The following HCN3 variants were observed in gnomAD, a reference collection of about 807,000 sequenced individuals.
The protein encoded by HCN3 is potassium/sodium hyperpolarization-activated cyclic nucleotide-gated channel 3.
In HCN3, 36 loss-of-function variants were observed where a neutral mutation model predicts 56.8. That is an observed-to-expected ratio of 0.63 (90% confidence interval 0.49 to 0.84). The LOEUF (loss-of-function observed/expected upper bound fraction) is 0.84, where lower values mean the gene tolerates loss of function less well. Among genes scored for constraint, HCN3 ranks in the 40% least tolerant of loss-of-function variants. The probability of loss-of-function intolerance (pLI) is 0.00; values close to 1 mark genes in which losing one functional copy is unlikely to be tolerated. For synonymous variants in HCN3, 425 were observed against 439.7 expected (o/e 0.97, Z 0.42); for missense variants, 930 against 1,079.3 (o/e 0.86, Z 1.94).
Position 155,285,628 on chromosome 1 carries a change from TG to T in HCN3, c.1237-95del, listed in dbSNP as rs996180637. 1.6e-4 allele frequency: 238 copies of T among 1,502,102 alleles called. No individual in the cohort carries two copies. Among genetic ancestry groups the T allele is most frequent in the Non-Finnish European group, 1.9e-4 (214 of 1,107,856 alleles). The allele number at this position is 1,502,102 out of a possible 1,614,324, so 93.0% of individuals were successfully genotyped here. On this transcript the variant is annotated intron_variant, in intron 5 of 7. Transcript: ENST00000368358. This position sits in a 1 kb window ranked among gnomAD's most constrained non-coding sequence, Gnocchi z 4.5. The stretch of plus-strand genomic sequence containing the variant: ...TGCCTCCCCATCCTTTGGCAGAACA[TG>T]ACCCCAGGGGTGGGGTTTCTGGAAG...
At chr1:155,286,176 C>T (rs1674279355) in intron 6 of HCN3, among the ~76,000 whole-genome samples, 2 of 152,058 alleles carry the variant, frequency 1.3e-5, no homozygotes, top group Non-Finnish European at 2.9e-5. Context: ...GGTGGAGTCT[C>T]GCTCTGTTGC....
In HCN3 at chr1:155,282,023, G is replaced by A. The variant is rs1381177050; in HGVS notation, c.279-388G>A. 6.6e-6 allele frequency among the ~76,000 whole-genome samples: 1 copy of A among 152,216 alleles called. No individual in the cohort carries two copies. The highest frequency in any genetic ancestry group is 2.4e-5 in the African/African-American group (1 of 41,458). On this transcript the variant is annotated intron_variant, in intron 1 of 7. Coordinates refer to ENST00000368358, the MANE Select transcript of HCN3 (RefSeq NM_020897.3). The surrounding 1 kb of genome is among the most constrained non-coding windows in gnomAD (Gnocchi z 4.7). ...GTAGCTGTAGTTGGGTAATTTCACA[G>A]CTGTATGGTATGCCAGCCCATAAAT... is the stretch of plus-strand genomic sequence containing the variant.
At chr1:155,286,886 G>T (rs537331601) in intron 6 of HCN3, among the ~76,000 whole-genome samples, 2 of 152,252 alleles carry the variant, frequency 1.3e-5, no homozygotes, top group Admixed American at 1.3e-4. Context: ...AGTTAAAGTG[G>T]AGTGGAATCA....
In HCN3 at chr1:155,284,376, C is replaced by T. The variant is rs1674192430; in HGVS notation, c.871-163C>T. 1.1e-6 allele frequency: 1 copy of T among 878,752 alleles called. No individual in the cohort carries two copies. The allele number at this position is 878,752 out of a possible 1,614,324, so 54.4% of individuals were successfully genotyped here. A position where few individuals can be genotyped will look rare whatever the true frequency, so the allele number is the denominator to read the frequency against. On this transcript the variant is annotated intron_variant, in intron 3 of 7. Coordinates refer to ENST00000368358, the MANE Select transcript of HCN3 (RefSeq NM_020897.3). This position sits in a 1 kb window ranked among gnomAD's most constrained non-coding sequence, Gnocchi z 4.3. The stretch of plus-strand genomic sequence containing the variant: ...GAGGCCCCCAAGTTGCAATAGAGGA[C>T]CCTTTTGCCTCAGGGCCCCCCAGAA...
Position 155,288,172 on chromosome 1 carries a change from C to A in HCN3, c.2034C>A (p.Thr678=), listed in dbSNP as rs781696265. Residue 678 remains threonine, a synonymous_variant, in exon 8 of 8, where the codon ACC becomes ACA. Transcript: ENST00000368358. The surrounding 1 kb of genome is among the most constrained non-coding windows in gnomAD (Gnocchi z 6.5). ...TSRLPAPPAR[T]LHASLSRAGR... is the part of the protein sequence containing the mutation. The stretch of plus-strand genomic sequence containing the variant: ...GCCTGCCCGCCCCACCTGCCCGAAC[C>A]CTGCACGCCAGCCTATCCCGGGCAG... The A allele has an allele frequency of 6.3e-7, 1 of 1,579,068 alleles. No individual in the cohort carries two copies. The highest frequency in any genetic ancestry group is 8.6e-7 in the Non-Finnish European group (1 of 1,167,568).
rs112470069 is a variant in HCN3 at position 155,285,307 on chromosome 1, G to A, written c.1232G>A (p.Arg411His). The change falls in exon 5 of 8, where the codon CGC becomes CAC. Residue 411 changes from arginine to histidine, a missense_variant. Transcript: ENST00000368358. This position sits in a 1 kb window ranked among gnomAD's most constrained non-coding sequence, Gnocchi z 4.5. ...CTGGGCGAGCTGAGCGAGCCGCTTC[G>A]CGAGGTGGGGCTGGGTTGGGCCTGG... ...SILGELSEPL[R>H]EEIINFTCRG... 776 of 1,613,914 alleles carry A rather than the reference G, an allele frequency of 4.8e-4. No individual in the cohort carries two copies. Among genetic ancestry groups the A allele is most frequent in the Non-Finnish European group, 6.3e-4 (745 of 1,179,824 alleles).
At chr1:155,287,510 A>G (rs1674336107) in intron 7 of HCN3, among the ~76,000 whole-genome samples, 173 bp downstream of exon 7, 3 of 151,980 alleles carry the variant, frequency 2.0e-5, no homozygotes, top group African/African-American at 7.3e-5. Context: ...ATCCCTCAGC[A>G]TGTCCTTCCC....
At position 155,282,379 on chromosome 1, in the gene HCN3, T is replaced by G. The variant is rs1408926627; in HGVS notation, c.279-32T>G. The G allele has an allele frequency of 6.2e-7, 1 of 1,602,058 alleles. No homozygotes were observed. Among genetic ancestry groups the G allele is most frequent in the South Asian group, 1.1e-5 (1 of 90,160 alleles). On this transcript the variant is annotated intron_variant, in intron 1 of 7. Coordinates refer to ENST00000368358, the MANE Select transcript of HCN3 (RefSeq NM_020897.3). The surrounding 1 kb of genome is among the most constrained non-coding windows in gnomAD (Gnocchi z 4.7). ...TCTAGTGGCTGGTGAAATATCCTCA[T>G]GGTCTTACTCCTCATCTCACTCCCA...
At chr1:155,280,246 TTTTTATTTATTTATTTA>T (rs1381827812) in intron 1 of HCN3, among the ~76,000 whole-genome samples, 6 of 143,202 alleles carry the variant, frequency 4.2e-5, no homozygotes, top group Non-Finnish European at 9.0e-5. Context: ...CACCGGCAAA[TTTTTATTTATTTATTTA>T]TTTTATTTAT....
At chr1:155,287,420 C>G in intron 7 of HCN3, 83 bp downstream of exon 7, 1 of 1,512,916 alleles carries the variant, frequency 6.6e-7, no homozygotes, top group Non-Finnish European at 9.1e-7. Context: ...GGCTTTAGGG[C>G]TCCAGGGTCA....
chr1:155,282,818 G>A lies in HCN3; in HGVS notation c.686G>A (p.Arg229His), dbSNP rs757122307. The A allele has an allele frequency of 6.2e-7, 1 of 1,605,324 alleles. No homozygotes were observed. The highest frequency in any genetic ancestry group is 8.5e-7 in the Non-Finnish European group (1 of 1,175,978). Residue 229 changes from arginine to histidine, a missense_variant, in exon 2 of 8, where the codon CGC (arginine) becomes CAC (histidine). Transcript: ENST00000368358. The surrounding 1 kb of genome is among the most constrained non-coding windows in gnomAD (Gnocchi z 4.7). The part of the protein sequence containing the change: ...LRLLRLSRLI[R>H]YIHQWEEIFH... ...CTGCTCCGCCTCTCCCGCCTCATCC[G>A]CTACATACACCAGTGGGAGGAGGTG...
At chr1:155,283,550 TC>T (rs1358875094) in intron 2 of HCN3, among the ~76,000 whole-genome samples, 1 of 99,768 alleles carries the variant, frequency 1.0e-5, no homozygotes, top group African/African-American at 3.9e-5. Flanking sequence ...ATGCTATCCC[TC>T]CCCCCTCCCC....
In HCN3 at chr1:155,288,676, A is replaced by G. The variant is rs1674406094; in HGVS notation, c.*213A>G. ...CCCATCATAATCCATTCACCCGTTC[A>G]TCATGTGTACTGAGCAGCTACCATG... On this transcript the variant is annotated 3_prime_UTR_variant, in exon 8 of 8. Transcript: ENST00000368358. This position sits in a 1 kb window ranked among gnomAD's most constrained non-coding sequence, Gnocchi z 6.5. 1.6e-6 allele frequency: 1 copy of G among 625,192 alleles called. No homozygotes were observed. The highest frequency in any genetic ancestry group is 3.4e-5 in the Admixed American group (1 of 29,558). The allele number at this position is 625,192 out of a possible 1,614,324, so 38.7% of individuals were successfully genotyped here.
At position 155,285,237 on chromosome 1, in the gene HCN3, T is replaced by G; in HGVS notation, c.1162T>G (p.Tyr388Asp). The change falls in exon 5 of 8, where the codon TAT becomes GAT. Residue 388 changes from tyrosine to aspartate, a missense_variant. Tyr to Asp is a radical substitution (Grantham distance 160, BLOSUM62 -3). Coordinates refer to ENST00000368358, the MANE Select transcript of HCN3 (RefSeq NM_020897.3). This position sits in a 1 kb window ranked among gnomAD's most constrained non-coding sequence, Gnocchi z 4.5. ...CACGCGGCAGCGCATCCACGAGTACTATGAGCACCGCTACCAGGGCAAGAT... is the reference window on the plus strand; with the variant it reads ...CACGCGGCAGCGCATCCACGAGTACGATGAGCACCGCTACCAGGGCAAGAT... ...ADTRQRIHEY[Y>D]EHRYQGKMFD... The G allele has an allele frequency of 6.2e-7, 1 of 1,614,210 alleles. No homozygotes were observed. Among genetic ancestry groups the G allele is most frequent in the East Asian group, 2.2e-5 (1 of 44,874 alleles).
In HCN3 at chr1:155,282,288, TA is replaced by T; in HGVS notation, c.279-120del. On this transcript the variant is annotated intron_variant, in intron 1 of 7. Transcript: ENST00000368358. The surrounding 1 kb of genome is among the most constrained non-coding windows in gnomAD (Gnocchi z 4.7). ...TCCCAACTTATACTCCCAACAGCTG[TA>T]AACAGTCATTCTGTTATTGTGTATC... The T allele has an allele frequency of 2.2e-6, 2 of 910,326 alleles. No homozygotes were observed. The highest frequency in any genetic ancestry group is 3.4e-6 in the Non-Finnish European group (2 of 586,948). The allele number at this position is 910,326 out of a possible 1,614,324, so 56.4% of individuals were successfully genotyped here. A position where few individuals can be genotyped will look rare whatever the true frequency, so the allele number is the denominator to read the frequency against.
chr1:155,288,947 G>A lies in HCN3; in HGVS notation c.*484G>A, dbSNP rs1191920995. 6.3e-6 allele frequency: 1 copy of A among 158,884 alleles called. No homozygotes were observed. Among genetic ancestry groups the A allele is most frequent in the Non-Finnish European group, 1.4e-5 (1 of 71,942 alleles). The allele number at this position is 158,884 out of a possible 1,614,324, so 9.8% of individuals were successfully genotyped here. A position where few individuals can be genotyped will look rare whatever the true frequency, so the allele number is the denominator to read the frequency against. ...GTTATCTTCCTGTTCCTGTAGCATAGCCAGGCACTGCCAGTCACCTGTGCC... is the reference window on the plus strand; with the variant it reads ...GTTATCTTCCTGTTCCTGTAGCATAACCAGGCACTGCCAGTCACCTGTGCC... On this transcript the variant is annotated 3_prime_UTR_variant, in exon 8 of 8. Coordinates refer to ENST00000368358, the MANE Select transcript of HCN3 (RefSeq NM_020897.3). This position sits in a 1 kb window ranked among gnomAD's most constrained non-coding sequence, Gnocchi z 6.5.
chr1:155,287,637 C>G, intron 7 of HCN3, 144 bp from the exon 8 acceptor site: 1 of 1,105,522 alleles, frequency 9.0e-7, no homozygotes. Flanking sequence ...ATCTCAACCC[C>G]CATAGCCCCA....
rs1435247556 is a variant in HCN3, at chr1:155,284,953, A to G, written c.1089+196A>G. 6.6e-6 allele frequency among the ~76,000 whole-genome samples: 1 copy of G among 151,910 alleles called. No homozygotes were observed. On this transcript the variant is annotated intron_variant, in intron 4 of 7. Coordinates refer to ENST00000368358, the MANE Select transcript of HCN3 (RefSeq NM_020897.3). This position sits in a 1 kb window ranked among gnomAD's most constrained non-coding sequence, Gnocchi z 4.3. ...CCTGTGCTTGGCCCCTCTGCTGTCC[A>G]CGCCTGGGTTTTCCTATGACTGTGC...
intron 1 of HCN3, 55 bp downstream of exon 1, chr1:155,277,923 G>A (rs1572031447): frequency 1.3e-6 from 2 of 1,565,302 alleles, no homozygotes. Context: ...CTCGCGGGCA[G>A]CGACACCGGG....
Sources: allele counts gnomAD v4.1 joint callset (sites outside exome capture counted in the v4.1 genomes callset), GRCh38; gene constraint gnomAD v4.1.1; non-coding constraint Gnocchi (gnomAD v3.1); transcripts MANE v1.5; gene names NCBI Gene and HGNC (gene_info 2026-07-23, HGNC 2026-07-21).